DCC: variants seen among roughly 807,000 people sequenced by gnomAD.
DCC encodes netrin receptor DCC.
DCC carries 58 observed loss-of-function variants against 172.5 expected under a neutral mutation model. That is an observed-to-expected ratio of 0.34 (90% confidence interval 0.27 to 0.42). DCC has a LOEUF of 0.42. Ranked by LOEUF, DCC falls within the 10% of genes least tolerant of loss-of-function variation. The pLI, the probability that DCC is intolerant of heterozygous loss-of-function variation, is 1.00. For synonymous variants in DCC, 709 were observed against 644.5 expected (o/e 1.10, Z -1.52); for missense variants, 1,740 against 1,791.0 (o/e 0.97, Z 0.51).
At chr18:52,635,865 A>C (rs551049661) in intron 1 of DCC, among the ~76,000 whole-genome samples, 3 of 152,278 alleles carry the variant, frequency 2.0e-5, no homozygotes, top group Non-Finnish European at 2.9e-5. Context: ...ACTAGAATGC[A>C]CCTCTAGACA....
intron 1 of DCC, among the ~76,000 whole-genome samples, chr18:52,380,339 A>G (rs948548388): frequency 1.3e-4 from 20 of 152,248 alleles, no homozygotes; most frequent in Admixed American, 3.3e-4. Context: ...AATTAGCAAG[A>G]TAATATATAA....
At chr18:52,591,675 T>C (rs898518151) in intron 1 of DCC, among the ~76,000 whole-genome samples, 2 of 152,084 alleles carry the variant, frequency 1.3e-5, no homozygotes, top group African/African-American at 2.4e-5. Context: ...CTCGATCTCC[T>C]GGGCTCCAGC....
intron 5 of DCC, among the ~76,000 whole-genome samples, chr18:52,952,897 C>T (rs984882397): frequency 7.0e-6 from 1 of 143,148 alleles, no homozygotes; most frequent in African/African-American, 2.6e-5. Context: ...ACTCAAGAGG[C>T]TGAGGTGGGA....
At chr18:53,018,075 T>C (rs2041832728) in intron 5 of DCC, among the ~76,000 whole-genome samples, 1 of 152,178 alleles carries the variant, frequency 6.6e-6, no homozygotes, top group Non-Finnish European at 1.5e-5. Flanking sequence ...CTTGAGAAAT[T>C]CCTTGATGGG....
intron 27 of DCC, among the ~76,000 whole-genome samples, chr18:53,526,053 A>G (rs1458575619): frequency 6.6e-6 from 1 of 152,114 alleles, no homozygotes; most frequent in Non-Finnish European, 1.5e-5. Context: ...AATGTCTTTT[A>G]TTGACAAAAG....
intron 12 of DCC, among the ~76,000 whole-genome samples, chr18:53,232,842 C>T (rs548569705): frequency 1.3e-5 from 2 of 152,236 alleles, no homozygotes; most frequent in African/African-American, 4.8e-5. Flanking sequence ...TCCTATATGA[C>T]AGCCCCTGTG....
In DCC at chr18:53,247,734, T is replaced by G. The variant is rs2056382218; in HGVS notation, c.1911+32137T>G. Among the ~76,000 whole-genome samples the G allele has an allele frequency of 1.3e-5, 2 of 152,036 alleles. 1 individual carries two copies. Among genetic ancestry groups the G allele is most frequent in the East Asian group, 3.9e-4 (2 of 5,176 alleles). ...ATGATTTAATGCACACTCTTGAGTG[T>G]GGGCTTTTGAGACCACTCTTGCTTG... On this transcript the variant is annotated intron_variant, in intron 12 of 28. Coordinates refer to ENST00000442544, the MANE Select transcript of DCC (RefSeq NM_005215.4).
chr18:53,210,580 C>T (rs1437943761), intron 11 of DCC, among the ~76,000 whole-genome samples: 1 of 152,094 alleles, frequency 6.6e-6, no homozygotes, highest in African/African-American at 2.4e-5. Context: ...GTGCAAATTT[C>T]TGTATGCAAA....
intron 1 of DCC, among the ~76,000 whole-genome samples, chr18:52,491,781 G>A (rs972733966): frequency 5.3e-5 from 8 of 152,078 alleles, no homozygotes; most frequent in Admixed American, 4.6e-4. Context: ...GTTTACTTGA[G>A]TAGCTGGTTT....
intron 7 of DCC, among the ~76,000 whole-genome samples, chr18:53,141,743 T>C (rs1568328437): frequency 6.6e-6 from 1 of 152,200 alleles, no homozygotes; most frequent in East Asian, 1.9e-4. Context: ...GTTCTACTGC[T>C]CACTTCTTGC....
At chr18:52,858,932 C>G (rs2039093144) in intron 2 of DCC, among the ~76,000 whole-genome samples, 1 of 152,124 alleles carries the variant, frequency 6.6e-6, no homozygotes, top group South Asian at 2.1e-4. Context: ...AAGAAAGCAC[C>G]ACTATGCATT....
intron 19 of DCC, among the ~76,000 whole-genome samples, chr18:53,408,842 A>C (rs902648981): frequency 6.6e-6 from 1 of 152,202 alleles, no homozygotes; most frequent in Non-Finnish European, 1.5e-5. Context: ...AGCATTGTTC[A>C]AAATTTAAGA....
intron 1 of DCC, among the ~76,000 whole-genome samples, chr18:52,370,454 A>C (rs1226667393): frequency 6.6e-6 from 1 of 152,202 alleles, no homozygotes; most frequent in Non-Finnish European, 1.5e-5. Flanking sequence ...TCAGCAAACT[A>C]ATGCAGGAAC....
chr18:52,403,248 C>T (rs775964965), intron 1 of DCC, among the ~76,000 whole-genome samples: 3 of 152,008 alleles, frequency 2.0e-5, no homozygotes, highest in Non-Finnish European at 4.4e-5. Context: ...ACAAGGTAGG[C>T]CAGATCCTGG....
intron 1 of DCC, among the ~76,000 whole-genome samples, chr18:52,362,502 G>A (rs1377518829): frequency 1.3e-5 from 2 of 152,158 alleles, no homozygotes; most frequent in African/African-American, 4.8e-5. Flanking sequence ...TCTTTCATAA[G>A]TTTGTAAGGG....
intron 12 of DCC, among the ~76,000 whole-genome samples, chr18:53,258,033 T>C (rs1598954979): frequency 6.6e-6 from 1 of 152,244 alleles, no homozygotes; most frequent in African/African-American, 2.4e-5. Flanking sequence ...TGGTAGCTTG[T>C]ATTTCTGTGG....
At chr18:52,587,183 C>T (rs1422579987) in intron 1 of DCC, among the ~76,000 whole-genome samples, 2 of 152,308 alleles carry the variant, frequency 1.3e-5, no homozygotes, top group African/African-American at 2.4e-5. Flanking sequence ...GGTGCTATAT[C>T]GCGGGCTCAG....
chr18:53,113,016 A>G (rs1025927438), intron 7 of DCC, among the ~76,000 whole-genome samples: 5 of 151,552 alleles, frequency 3.3e-5, no homozygotes, highest in African/African-American at 7.2e-5. Flanking sequence ...CATAGAATCA[A>G]TAATATGCAG....
intron 2 of DCC, among the ~76,000 whole-genome samples, chr18:52,884,698 G>C (rs2039544444): frequency 6.6e-6 from 1 of 152,052 alleles, no homozygotes; most frequent in South Asian, 2.1e-4. Context: ...TTGATCCCTG[G>C]TGCCTTATTT....
Sources: gnomAD v4.1 joint callset for allele counts (sites outside exome capture counted in the v4.1 genomes callset) on GRCh38, gnomAD v4.1.1 for gene constraint, MANE v1.5 for transcripts, NCBI Gene and HGNC (gene_info 2026-07-23, HGNC 2026-07-21) for gene names.